The following MACROD2 variants were observed in gnomAD, a reference collection of about 807,000 sequenced individuals.
MACROD2 encodes the protein mono-ADP ribosylhydrolase 2, also known as ADP-ribose glycohydrolase MACROD2.
In MACROD2, 36 loss-of-function variants were observed where a neutral mutation model predicts 70.4. That is an observed-to-expected ratio of 0.51 (90% CI 0.39 to 0.68). MACROD2 has a LOEUF of 0.68. Among genes scored for constraint, MACROD2 ranks in the 30% least tolerant of loss-of-function variants. The probability of loss-of-function intolerance (pLI) is 0.00; values close to 1 mark genes in which losing one functional copy is unlikely to be tolerated. For missense variants in MACROD2, 496 were observed against 538.4 expected (o/e 0.92, Z 0.78); for synonymous variants, 172 against 178.8 (o/e 0.96, Z 0.30).
intron 13 of MACROD2, among the ~76,000 whole-genome samples, chr20:15,978,094 A>G (rs1168799225): frequency 6.6e-6 from 1 of 152,192 alleles, no homozygotes; most frequent in East Asian, 1.9e-4. Context: ...AATCACATGG[A>G]CATCTTGTTA....
At chr20:15,634,708 G>A (rs528027584) in intron 8 of MACROD2, among the ~76,000 whole-genome samples, 7 of 152,256 alleles carry the variant, frequency 4.6e-5, no homozygotes, top group East Asian at 1.9e-4. Context: ...GTAATGTGTC[G>A]GATATTGTCA....
chr20:15,447,051 C>CGTGTGTGT (rs57914856), intron 7 of MACROD2, among the ~76,000 whole-genome samples: 3,801 of 146,622 alleles, frequency 0.026, 70 homozygotes, highest in Middle Eastern at 0.039. Context: ...TAAGAGTGTG[C>CGTGTGTGT]GTGTGTGTGT....
chr20:14,265,682 T>C (rs1156918383), intron 3 of MACROD2, among the ~76,000 whole-genome samples: 1 of 152,144 alleles, frequency 6.6e-6, no homozygotes, highest in Non-Finnish European at 1.5e-5. Flanking sequence ...TTGCCCCTAC[T>C]ATATCTCACA....
intron 5 of MACROD2, among the ~76,000 whole-genome samples, chr20:14,896,588 A>G (rs2073832594): frequency 6.6e-6 from 1 of 151,934 alleles, no homozygotes; most frequent in African/African-American, 2.4e-5. Flanking sequence ...TACCCTCCTC[A>G]CCTGAGGAAA....
intron 5 of MACROD2, among the ~76,000 whole-genome samples, chr20:14,793,841 G>T (rs1197460759): frequency 2.0e-5 from 3 of 152,070 alleles, no homozygotes; most frequent in African/African-American, 4.8e-5. Context: ...AACAGTAGAA[G>T]ATAGAAGATG....
chr20:14,082,062 A>C (rs1209620914), intron 2 of MACROD2, among the ~76,000 whole-genome samples: 1 of 152,114 alleles, frequency 6.6e-6, no homozygotes, highest in Non-Finnish European at 1.5e-5. Context: ...TCAGTCTCAA[A>C]ATATTCCATT....
At chr20:14,316,017 G>C (rs2082609398) in intron 3 of MACROD2, among the ~76,000 whole-genome samples, 1 of 152,144 alleles carries the variant, frequency 6.6e-6, no homozygotes, top group Non-Finnish European at 1.5e-5. Context: ...TTGTAAGCTA[G>C]TCAGTATTCT....
At chr20:14,778,648 G>A (rs2072262996) in intron 5 of MACROD2, among the ~76,000 whole-genome samples, 1 of 152,112 alleles carries the variant, frequency 6.6e-6, no homozygotes, top group Non-Finnish European at 1.5e-5. Flanking sequence ...TCACATCGGA[G>A]CCATCAAATT....
chr20:15,568,954 G>A (rs2048343562), intron 8 of MACROD2, among the ~76,000 whole-genome samples: 2 of 152,134 alleles, frequency 1.3e-5, no homozygotes, highest in South Asian at 4.1e-4. Flanking sequence ...ATCCACAGCT[G>A]CTGTTCCTCT....
At chr20:14,306,604 T>C (rs1297245717) in intron 3 of MACROD2, among the ~76,000 whole-genome samples, 1 of 152,018 alleles carries the variant, frequency 6.6e-6, no homozygotes, top group East Asian at 1.9e-4. Context: ...GCAATTGATA[T>C]TTAGGGGGTC....
chr20:14,088,604 C>G (rs2054111742), intron 3 of MACROD2, among the ~76,000 whole-genome samples: 1 of 152,108 alleles, frequency 6.6e-6, no homozygotes, highest in African/African-American at 2.4e-5. Context: ...ATCACTCTCA[C>G]AAGTTTTCTC....
chr20:14,622,204 T>C (rs998406244), intron 4 of MACROD2, among the ~76,000 whole-genome samples: 3 of 152,152 alleles, frequency 2.0e-5, no homozygotes, highest in Admixed American at 2.0e-4. Flanking sequence ...TTTCTTGCAA[T>C]GATCTACATA....
chr20:14,135,130 G>A (rs920053462), intron 3 of MACROD2, among the ~76,000 whole-genome samples: 4 of 151,826 alleles, frequency 2.6e-5, no homozygotes, highest in Admixed American at 6.6e-5. Flanking sequence ...AGAAACATAG[G>A]GATTAGATTT....
At chr20:15,315,294 G>T (rs2077797064) in intron 6 of MACROD2, among the ~76,000 whole-genome samples, 1 of 152,070 alleles carries the variant, frequency 6.6e-6, no homozygotes, top group Admixed American at 6.6e-5. Context: ...AGAAATAATG[G>T]CCAAAGCTCT....
chr20:16,045,269 T>C (rs1042280086), intron 17 of MACROD2, among the ~76,000 whole-genome samples: 1 of 152,158 alleles, frequency 6.6e-6, no homozygotes, highest in Non-Finnish European at 1.5e-5. Context: ...GTCCAGATCA[T>C]GTTTAGGAGT....
chr20:15,039,440 TGGAGAAAGGGAATG>T (rs1218008255), intron 5 of MACROD2, among the ~76,000 whole-genome samples: 1 of 152,040 alleles, frequency 6.6e-6, no homozygotes, highest in South Asian at 2.1e-4. Flanking sequence ...CACACCTTGG[TGGAGAAAGGGAATG>T]GGAGAAAGGA....
chr20:14,103,306 T>G (rs111851358), intron 3 of MACROD2, among the ~76,000 whole-genome samples: 38 of 152,354 alleles, frequency 2.5e-4, no homozygotes, highest in African/African-American at 8.7e-4. Flanking sequence ...TAACAAAGTC[T>G]TCCAGAGTCT....
chr20:14,883,308 T>C (rs2073632024), intron 5 of MACROD2, among the ~76,000 whole-genome samples: 1 of 152,158 alleles, frequency 6.6e-6, no homozygotes, highest in Non-Finnish European at 1.5e-5. Flanking sequence ...ATGCATAATT[T>C]GAACATTATG....
chr20:14,222,813 GAAAAAAAAAAAAAA>G (rs199573606), intron 3 of MACROD2, among the ~76,000 whole-genome samples: 2 of 132,948 alleles, frequency 1.5e-5, no homozygotes, highest in Middle Eastern at 4.3e-3. Context: ...TTGGATTTCT[GAAAAAAAAAAAAAA>G]AAAAAAAAAA....
Sources: gnomAD v4.1 joint callset for allele counts (sites outside exome capture counted in the v4.1 genomes callset) on GRCh38, gnomAD v4.1.1 for gene constraint, MANE v1.5 for transcripts, NCBI Gene and HGNC (gene_info 2026-07-23, HGNC 2026-07-21) for gene names.